Variants in CLEC4C observed in about 807,000 individuals in gnomAD.
The protein encoded by CLEC4C is C-type (calcium dependent, carbohydrate-recognition domain) lectin, superfamily member 11.
In CLEC4C, 17 loss-of-function variants were observed where a neutral mutation model predicts 27.7. The observed-to-expected ratio is 0.61, with a 90% CI of 0.42 to 0.92. The LOEUF is 0.92. Ranked by LOEUF, CLEC4C falls within the 40% of genes least tolerant of loss-of-function variation. The pLI, the probability that CLEC4C is intolerant of heterozygous loss-of-function variation, is 0.00. For synonymous variants in CLEC4C, 80 were observed against 80.8 expected (o/e 0.99, Z 0.06); for missense variants, 244 against 257.3 (o/e 0.95, Z 0.35).
rs2120357568 is a variant in CLEC4C, at chr12:7,729,652, T to C, written c.586A>G (p.Ile196Val). 6.2e-7 allele frequency: 1 copy of C among 1,613,970 alleles called. No individual in the cohort carries two copies. Among genetic ancestry groups the C allele is most frequent in the Non-Finnish European group, 8.5e-7 (1 of 1,179,866 alleles). The change falls in exon 6 of 6, where the codon ATT becomes GTT. Residue 196 changes from isoleucine (I) to valine (V), a missense_variant. Ile to Val is a conservative substitution (Grantham distance 29, BLOSUM62 3). Coordinates refer to ENST00000360345, the MANE Select transcript of CLEC4C (RefSeq NM_001371390.1). The part of the protein sequence containing the change: ...RSSEEWGWND[I>V]HCHVPQKSIC... ...GACTTCTGAGGTACATGACAGTGAA[T>C]GTCATTCCAGCCCCATTCTTCTGAA... is the stretch of plus-strand genomic sequence containing the variant.
intron 2 of CLEC4C, among the ~76,000 whole-genome samples, chr12:7,746,085 G>A (rs1253061120): frequency 6.6e-6 from 1 of 151,394 alleles, no homozygotes; most frequent in Non-Finnish European, 1.5e-5. Flanking sequence ...CATGGTGGCG[G>A]GCACCTGTAG....
intron 4 of CLEC4C, among the ~76,000 whole-genome samples, chr12:7,731,175 G>A (rs1359386724): frequency 1.3e-5 from 2 of 152,108 alleles, no homozygotes; most frequent in African/African-American, 4.8e-5. Context: ...AAAACAGTGG[G>A]CCTTAATAAG....
chr12:7,735,875 G>C (rs920674104), intron 4 of CLEC4C, among the ~76,000 whole-genome samples: 3 of 152,224 alleles, frequency 2.0e-5, no homozygotes, highest in East Asian at 1.9e-4. Flanking sequence ...TATAAAGTTT[G>C]ACAGCATATT....
At chr12:7,746,071 C>T (rs1864969854) in intron 2 of CLEC4C, among the ~76,000 whole-genome samples, 1 of 151,354 alleles carries the variant, frequency 6.6e-6, no homozygotes, top group Non-Finnish European at 1.5e-5. Context: ...AAAAATTAGC[C>T]AGGCATGGTG....
intron 4 of CLEC4C, 99 bp downstream of exon 4, chr12:7,737,330 T>C (rs1241283800): frequency 1.9e-6 from 2 of 1,029,402 alleles, no homozygotes; most frequent in East Asian, 5.9e-5. Flanking sequence ...AGAAGTTTTT[T>C]TTTTTTTCCT....
At chr12:7,737,676 G>T in intron 3 of CLEC4C, 102 bp from the exon 4 acceptor site, 2 of 1,087,644 alleles carry the variant, frequency 1.8e-6, no homozygotes, top group South Asian at 3.3e-5. Context: ...TTTCACCTAT[G>T]GATCTCCACG....
chr12:7,747,113 G>A (rs780456689), intron 1 of CLEC4C, among the ~76,000 whole-genome samples: 9 of 152,308 alleles, frequency 5.9e-5, no homozygotes, highest in African/African-American at 2.2e-4. Context: ...GTGAGCCACC[G>A]CGCCCGCCCG....
chr12:7,736,257 T>G (rs995051650), intron 4 of CLEC4C, among the ~76,000 whole-genome samples: 1 of 151,158 alleles, frequency 6.6e-6, no homozygotes, highest in African/African-American at 2.5e-5. Context: ...CACTCCAGCC[T>G]GGGCGCCATT....
chr12:7,733,481 CTTTT>C (rs762051121), intron 4 of CLEC4C, among the ~76,000 whole-genome samples: 2 of 119,820 alleles, frequency 1.7e-5, no homozygotes, highest in Non-Finnish European at 1.7e-5. Flanking sequence ...CCAAGCTGGT[CTTTT>C]TTTTTTTTTT....
At chr12:7,737,652 A>G in intron 3 of CLEC4C, 78 bp from the exon 4 acceptor site, 2 of 1,417,838 alleles carry the variant, frequency 1.4e-6, no homozygotes, top group Non-Finnish European at 1.9e-6. Context: ...TTAGCTTGCT[A>G]AGGTTTAATT....
chr12:7,741,366 A>C, intron 3 of CLEC4C, 55 bp downstream of exon 3: 1 of 960,572 alleles, frequency 1.0e-6, no homozygotes, highest in Non-Finnish European at 1.7e-6. Flanking sequence ...AAACCATCAG[A>C]CTAGGAATTT....
chr12:7,732,748 G>A (rs772026312), intron 4 of CLEC4C, among the ~76,000 whole-genome samples: 1 of 150,942 alleles, frequency 6.6e-6, no homozygotes, highest in African/African-American at 2.4e-5. Context: ...GGATCACGAG[G>A]TCAGGAGATC....
At chr12:7,747,518 G>A (rs890036553), upstream of CLEC4C, 5 of 586,560 alleles carry the variant, frequency 8.5e-6, no homozygotes, top group Non-Finnish European at 1.5e-5. Flanking sequence ...AGGAGACTCT[G>A]CAGTGAGCTA....
At chr12:7,746,229 A>T in intron 2 of CLEC4C, 102 bp downstream of exon 2, 3 of 695,256 alleles carry the variant, frequency 4.3e-6, no homozygotes, top group Non-Finnish European at 7.1e-6. Flanking sequence ...AAAAAAAAAA[A>T]AAAAGAAAAA....
intron 4 of CLEC4C, among the ~76,000 whole-genome samples, chr12:7,736,924 A>G (rs1864739505): frequency 6.6e-6 from 1 of 151,922 alleles, no homozygotes; most frequent in Non-Finnish European, 1.5e-5. Flanking sequence ...ATAAATAAAT[A>G]AAAATAAAAA....
upstream of CLEC4C, chr12:7,747,550 C>T (rs1336598036): frequency 3.8e-5 from 17 of 444,078 alleles, no homozygotes; most frequent in Non-Finnish European, 6.5e-5. Flanking sequence ...TTAAAACATA[C>T]ATCATGTTCA....
At chr12:7,730,579 G>T (rs1471503019) in intron 5 of CLEC4C, among the ~76,000 whole-genome samples, 1 of 151,150 alleles carries the variant, frequency 6.6e-6, no homozygotes, top group Non-Finnish European at 1.5e-5. Flanking sequence ...GGCAGAGGTT[G>T]CAGTGAGCCA....
At chr12:7,745,424 CTTTTTTTTTTTTTT>C (rs140956970) in intron 2 of CLEC4C, among the ~76,000 whole-genome samples, 3 of 48,192 alleles carry the variant, frequency 6.2e-5, no homozygotes, top group East Asian at 9.6e-4. Flanking sequence ...TCAGTCTATG[CTTTTTTTTTTTTTT>C]TTTTTTTTTT....
chr12:7,745,942 G>A lies in CLEC4C; in HGVS notation c.124+389C>T, dbSNP rs762561376. ...TCAAGAAAGGGGAACGTGGCCGGGCGCGGTGGCTCACACCTGTAATCCCAG... is the reference window on the plus strand; with the variant it reads ...TCAAGAAAGGGGAACGTGGCCGGGCACGGTGGCTCACACCTGTAATCCCAG... On this transcript the variant is annotated intron_variant, in intron 2 of 5. Transcript: ENST00000360345. Among the ~76,000 whole-genome samples, 51 of 151,918 alleles carry A rather than the reference G, an allele frequency of 3.4e-4. 1 individual carries two copies. The highest frequency in any genetic ancestry group is 1.2e-3 in the Admixed American group (19 of 15,238).
Sources: allele counts gnomAD v4.1 joint callset (sites outside exome capture counted in the v4.1 genomes callset), GRCh38; gene constraint gnomAD v4.1.1; transcripts MANE v1.5; gene names NCBI Gene and HGNC (gene_info 2026-07-23, HGNC 2026-07-21).